RASGRF2: variants seen among roughly 807,000 people sequenced by gnomAD.
RASGRF2 encodes ras-specific guanine nucleotide-releasing factor 2.
Under a neutral mutation model 151.0 loss-of-function variants are expected in RASGRF2, and 76 were observed. The ratio of observed to expected loss-of-function variants is 0.50; its 90% CI spans 0.42 to 0.61. RASGRF2 has a LOEUF of 0.61. RASGRF2 is among the 20% of genes least tolerant of loss of function. The probability of loss-of-function intolerance (pLI) is 0.00; values close to 1 mark genes in which losing one functional copy is unlikely to be tolerated. For synonymous variants in RASGRF2, 504 were observed against 566.5 expected (o/e 0.89, Z 1.57); for missense variants, 1,148 against 1,564.6 (o/e 0.73, Z 4.49).
Position 80,995,038 on chromosome 5 carries a change from C to T in RASGRF2, c.288+34012C>T, listed in dbSNP as rs529410813. Among the ~76,000 whole-genome samples, 4 of 152,150 alleles carry T rather than the reference C, an allele frequency of 2.6e-5. No homozygotes were observed. In the East Asian group the frequency reaches 5.8e-4, roughly 22 times the overall value. ...TTGGGAGGCTGAGGTGGATGGATCA[C>T]GAGGTCAGGAGATCGAGACCATCCT... On this transcript the variant is annotated intron_variant, in intron 1 of 26. Transcript: ENST00000265080.
chr5:81,206,429 G>A (rs565821795), intron 19 of RASGRF2, among the ~76,000 whole-genome samples: 2 of 152,138 alleles, frequency 1.3e-5, no homozygotes, highest in Non-Finnish European at 2.9e-5. Context: ...GCCTCTGTGA[G>A]GGCAGGGAAA....
At chr5:81,192,861 C>A (rs1755180387) in intron 18 of RASGRF2, among the ~76,000 whole-genome samples, 1 of 152,160 alleles carries the variant, frequency 6.6e-6, no homozygotes, top group Non-Finnish European at 1.5e-5. Flanking sequence ...CTCTACACCA[C>A]AATTTAAATT....
In RASGRF2 at chr5:81,138,734, G is replaced by A. The variant is rs78971798; in HGVS notation, c.2686+11571G>A. 1.7e-3 allele frequency among the ~76,000 whole-genome samples: 260 copies of A among 151,624 alleles called. 1 individual carries two copies. The highest frequency in any genetic ancestry group is 6.1e-3 in the African/African-American group (253 of 41,308). On this transcript the variant is annotated intron_variant, in intron 17 of 26. Coordinates refer to ENST00000265080, the MANE Select transcript of RASGRF2 (RefSeq NM_006909.3). The stretch of plus-strand genomic sequence containing the variant: ...CCGGTTCCAGCGACTTCAGCTCCAG[G>A]TAGGCAGATCTGTGTCTCTCTGGAT...
At chr5:81,065,173 C>T (rs1751563834) in intron 2 of RASGRF2, among the ~76,000 whole-genome samples, 1 of 152,164 alleles carries the variant, frequency 6.6e-6, no homozygotes. Context: ...TCTAGCTAAA[C>T]TGAGCCTAGA....
chr5:81,149,962 C>T (rs1363112223), intron 17 of RASGRF2, among the ~76,000 whole-genome samples: 2 of 152,182 alleles, frequency 1.3e-5, no homozygotes, highest in African/African-American at 2.4e-5. Context: ...AGTTAGGAAG[C>T]TCCATGCCCT....
Position 81,116,360 on chromosome 5 carries a change from G to A in RASGRF2, c.2470+2440G>A, listed in dbSNP as rs575112889. On this transcript the variant is annotated intron_variant, in intron 15 of 26. Coordinates refer to ENST00000265080, the MANE Select transcript of RASGRF2 (RefSeq NM_006909.3). ...AGCCTCCCAAAGTGCTGGGATTACAGGCATGAGCCACCATACCCAGCCAGT... is the reference window on the plus strand; with the variant it reads ...AGCCTCCCAAAGTGCTGGGATTACAAGCATGAGCCACCATACCCAGCCAGT... 3.3e-5 allele frequency among the ~76,000 whole-genome samples: 5 copies of A among 152,188 alleles called. No homozygotes were observed. In the East Asian group the frequency reaches 9.7e-4, roughly 29 times the overall value.
At chr5:80,979,087 T>C (rs1197721587) in intron 1 of RASGRF2, among the ~76,000 whole-genome samples, 1 of 152,142 alleles carries the variant, frequency 6.6e-6, no homozygotes, top group Non-Finnish European at 1.5e-5. Flanking sequence ...GTGGAGCACA[T>C]GCAAAGAAAT....
intron 1 of RASGRF2, among the ~76,000 whole-genome samples, chr5:81,031,315 A>G (rs1245049543): frequency 1.8e-4 from 28 of 152,244 alleles, no homozygotes; most frequent in Admixed American, 1.8e-3. Context: ...AGACATCTAC[A>G]GAACTCTCCA....
chr5:80,987,283 C>G (rs564943907), intron 1 of RASGRF2, among the ~76,000 whole-genome samples: 1 of 152,278 alleles, frequency 6.6e-6, no homozygotes, highest in East Asian at 1.9e-4. Context: ...TGACTGTGTG[C>G]CAGGCATTGT....
intron 17 of RASGRF2, among the ~76,000 whole-genome samples, chr5:81,158,005 T>A (rs6884522): frequency 0.34 from 52,224 of 152,102 alleles, 10,632 homozygotes; most frequent in African/African-American, 0.58. Flanking sequence ...AAACCTCAGC[T>A]AGCTTTGTTT....
At chr5:81,095,713 G>A (rs539097122) in intron 12 of RASGRF2, among the ~76,000 whole-genome samples, 1 of 152,164 alleles carries the variant, frequency 6.6e-6, no homozygotes, top group Admixed American at 6.5e-5. Flanking sequence ...AAAGAAACTG[G>A]GGCACATGAA....
intron 9 of RASGRF2, chr5:81,087,640 A>C (rs1752277813): frequency 1.2e-5 from 6 of 496,176 alleles, no homozygotes; most frequent in Admixed American, 3.5e-5. Context: ...TGTTATTTCA[A>C]AATGCAAGAC....
At chr5:81,103,460 A>C (rs908382459) in intron 12 of RASGRF2, among the ~76,000 whole-genome samples, 2 of 152,236 alleles carry the variant, frequency 1.3e-5, no homozygotes, top group South Asian at 4.1e-4. Flanking sequence ...TGGAAAATAG[A>C]GTTAGAAGGC....
chr5:81,029,688 A>G (rs368200614), intron 1 of RASGRF2, among the ~76,000 whole-genome samples: 106 of 152,356 alleles, frequency 7.0e-4, no homozygotes, highest in African/African-American at 2.5e-3. Context: ...AAAACCACAA[A>G]GATGGGGAGA....
At chr5:80,979,819 A>C (rs551414495) in intron 1 of RASGRF2, among the ~76,000 whole-genome samples, 12 of 152,328 alleles carry the variant, frequency 7.9e-5, no homozygotes, top group Admixed American at 2.0e-4. Context: ...GAAAGAGGAA[A>C]ATTTGGTGCT....
Position 81,114,110 on chromosome 5 carries a change from G to A in RASGRF2, c.2470+190G>A, listed in dbSNP as rs539712925. On this transcript the variant is annotated intron_variant, in intron 15 of 26. Transcript: ENST00000265080. ...TCTTCTGGCCCTTCTGGAACAGAAA[G>A]CAAGATTAGTTGTCCTTATGCCCCT... Among the ~76,000 whole-genome samples, 42 of 152,346 alleles carry A rather than the reference G, an allele frequency of 2.8e-4. 1 individual carries two copies. The highest frequency in any genetic ancestry group is 8.7e-4 in the African/African-American group (36 of 41,594).
intron 9 of RASGRF2, chr5:81,088,648 T>C (rs1458415635): frequency 2.0e-5 from 3 of 152,214 alleles, no homozygotes; most frequent in South Asian, 2.1e-4. Context: ...TTGTGCTTGA[T>C]AGTATGTGAG....
chr5:81,020,975 G>A (rs1749806624), intron 1 of RASGRF2, among the ~76,000 whole-genome samples: 1 of 152,176 alleles, frequency 6.6e-6, no homozygotes, highest in Admixed American at 6.5e-5. Flanking sequence ...ACCACCTGGA[G>A]GCATCAGGAT....
chr5:80,989,379 A>G (rs1748578019), intron 1 of RASGRF2, among the ~76,000 whole-genome samples: 1 of 152,182 alleles, frequency 6.6e-6, no homozygotes, highest in African/African-American at 2.4e-5. Context: ...ATAAAGCCTT[A>G]CCTAAGGGTA....
Sources: allele counts gnomAD v4.1 joint callset (sites outside exome capture counted in the v4.1 genomes callset), GRCh38; gene constraint gnomAD v4.1.1; transcripts MANE v1.5; gene names NCBI Gene and HGNC (gene_info 2026-07-23, HGNC 2026-07-21).